SETMAR: variants seen among roughly 807,000 people sequenced by gnomAD.
SETMAR encodes histone-lysine N-methyltransferase SETMAR.
In SETMAR, 44 loss-of-function variants were observed where a neutral mutation model predicts 58.4. The ratio of observed to expected loss-of-function variants is 0.75; its 90% CI spans 0.59 to 0.97. SETMAR has a LOEUF of 0.97. Ranked by LOEUF, SETMAR falls within the 50% of genes least tolerant of loss-of-function variation. SETMAR has a pLI of 0.00. For synonymous variants in SETMAR, 332 were observed against 307.4 expected, an observed-to-expected ratio of 1.08 and a Z score of -0.84; for missense variants, 903 against 840.2, an observed-to-expected ratio of 1.07 and a Z score of -0.92.
At chr3:4,306,306 A>G (rs1239481204) in intron 1 of SETMAR, among the ~76,000 whole-genome samples, 4 of 152,190 alleles carry the variant, frequency 2.6e-5, no homozygotes, top group South Asian at 4.1e-4. Flanking sequence ...TTATATAAGT[A>G]TCTCCCTTAG....
chr3:4,303,880 C>A, intron 1 of SETMAR: 1 of 1,274,894 alleles, frequency 7.8e-7, no homozygotes, highest in Non-Finnish European at 1.0e-6. Context: ...TAGGATAAGC[C>A]GTGGGGCCTA....
At chr3:4,307,981 G>A (rs560898066) in intron 1 of SETMAR, among the ~76,000 whole-genome samples, 2 of 152,028 alleles carry the variant, frequency 1.3e-5, no homozygotes, top group South Asian at 4.2e-4. Flanking sequence ...AGCCTGCAGT[G>A]AGCTATGATC....
chr3:4,314,292 A>C (rs1479806564), intron 2 of SETMAR: 1 of 154,512 alleles, frequency 6.5e-6, no homozygotes, highest in African/African-American at 2.4e-5. Flanking sequence ...GTTTTCTAGC[A>C]CTAACATCGA....
In SETMAR at chr3:4,316,245, C is replaced by T. The variant is rs1444751949; in HGVS notation, c.1054C>T (p.Arg352Ter). 10 of 756,038 alleles carry T rather than the reference C, an allele frequency of 1.3e-5. No individual in the cohort carries two copies. Among genetic ancestry groups the T allele is most frequent in the Middle Eastern group, 3.5e-4 (1 of 2,850 alleles). 46.8% of individuals were successfully genotyped at this position (756,038 alleles called of 1,614,324 possible). Reference sequence around the variant, plus strand: ...AATGATGTTAGACAAAAAGCAAATTCGAGCAATTTTCTTATTCGAGTTCAA... The same window carrying T: ...AATGATGTTAGACAAAAAGCAAATTTGAGCAATTTTCTTATTCGAGTTCAA... ...MKMMLDKKQI[R>*]AIFLFEFKMG... The change falls in exon 3 of 3, where the codon CGA becomes TGA. Residue 352 changes from arginine (R) to a stop codon, truncating the protein, a stop_gained. Coordinates refer to ENST00000358065, the MANE Select transcript of SETMAR (RefSeq NM_006515.4). LOFTEE classifies it high-confidence loss of function.
intron 1 of SETMAR, chr3:4,303,796 T>C (rs1426867124): frequency 2.1e-6 from 3 of 1,415,414 alleles, no homozygotes; most frequent in East Asian, 3.6e-5. Flanking sequence ...TTTTGTCCAG[T>C]CCTGTCCTCA....
Position 4,303,513 on chromosome 3 carries a change from C to A in SETMAR, c.143C>A (p.Pro48Gln). ...GGCGCGTGGCCCCCGGGGGCCGCGC[C>A]GGCGCCCTTCCAGGTAGGGGCGGGG... The part of the protein sequence containing the change: ...PVGAWPPGAA[P>Q]APFQYTPDHV... Residue 48 changes from proline to glutamine, a missense_variant, in exon 1 of 3, where the codon CCG (proline) becomes CAG (glutamine). Physicochemically the swap from Pro to Gln is moderately conservative, Grantham distance 76. Transcript: ENST00000358065. 1 of 1,435,666 alleles carries A rather than the reference C, an allele frequency of 7.0e-7. No individual in the cohort carries two copies. Among genetic ancestry groups the A allele is most frequent in the Non-Finnish European group, 9.1e-7 (1 of 1,099,724 alleles). The allele number at this position is 1,435,666 out of a possible 1,614,324, so 88.9% of individuals were successfully genotyped here.
rs547962347 is a variant in SETMAR, at chr3:4,317,255, C to T, written c.*9C>T. ...GTTCCTATTTTGATTAATAAAAATGCGTTGAGCCTAGTTATAATGATTTAA... is the reference window on the plus strand; with the variant it reads ...GTTCCTATTTTGATTAATAAAAATGTGTTGAGCCTAGTTATAATGATTTAA... On this transcript the variant is annotated 3_prime_UTR_variant, in exon 3 of 3. Coordinates refer to ENST00000358065, the MANE Select transcript of SETMAR (RefSeq NM_006515.4). The T allele has an allele frequency of 1.0e-4, 157 of 1,510,832 alleles. No homozygotes were observed. Among genetic ancestry groups the T allele is most frequent in the Admixed American group, 2.8e-4 (14 of 49,680 alleles). 93.6% of individuals were successfully genotyped at this position (1,510,832 alleles called of 1,614,324 possible).
rs375067012 is a variant in SETMAR at position 4,313,334 on chromosome 3, A to G, written c.593A>G (p.Glu198Gly). ...SDSNYIIAIREHVYNGQVMET... is the reference protein window; with the variant it reads ...SDSNYIIAIRGHVYNGQVMET... The stretch of plus-strand genomic sequence containing the variant: ...TCCAATTACATTATAGCCATCAGGG[A>G]ACATGTTTATAATGGGCAGGTAATG... The change falls in exon 2 of 3, where the codon GAA (glutamate) becomes GGA (glycine). Residue 198 changes from glutamate (E) to glycine (G), a missense_variant. By Grantham distance (98) the Glu-to-Gly change is moderately conservative. Coordinates refer to ENST00000358065, the MANE Select transcript of SETMAR (RefSeq NM_006515.4). 3 of 1,613,922 alleles carry G rather than the reference A, an allele frequency of 1.9e-6. No homozygotes were observed. The South Asian group carries it at 3.3e-5, about 18-fold the overall frequency.
chr3:4,316,600 A>G lies in SETMAR; in HGVS notation c.1409A>G (p.Asn470Ser). The change falls in exon 3 of 3, where the codon AAT (asparagine) becomes AGT (serine). Residue 470 changes from asparagine (N) to serine (S), a missense_variant. By Grantham distance (46) the Asn-to-Ser change is conservative. Coordinates refer to ENST00000358065, the MANE Select transcript of SETMAR (RefSeq NM_006515.4). ...CATGAGCTGACTGAAAATCAAAAAA[A>G]TCGTCGTTTTGAAGTGTCATCTTCT... is the stretch of plus-strand genomic sequence containing the variant. ...VPHELTENQK[N>S]RRFEVSSSLI... 6.4e-7 allele frequency: 1 copy of G among 1,551,382 alleles called. No individual in the cohort carries two copies. Among genetic ancestry groups the G allele is most frequent in the Non-Finnish European group, 8.7e-7 (1 of 1,146,814 alleles).
At chr3:4,314,052 T>A (rs1435737756) in intron 2 of SETMAR, 1 of 499,912 alleles carries the variant, frequency 2.0e-6, no homozygotes, top group African/African-American at 1.9e-5. Context: ...GCCCTTCACC[T>A]CCTCTTTCTT....
intron 1 of SETMAR, among the ~76,000 whole-genome samples, chr3:4,306,037 A>C (rs892011599): frequency 1.3e-5 from 2 of 151,876 alleles, no homozygotes; most frequent in Non-Finnish European, 2.9e-5. Flanking sequence ...AGCTAAATAT[A>C]TGCAAGGTGG....
rs552256524 is a variant in SETMAR, at chr3:4,303,580, T to C, written c.156+54T>C. On this transcript the variant is annotated intron_variant, in intron 1 of 2. Transcript: ENST00000358065. ...GCGGGCGCGCGGCTCCCCCACGTGG[T>C]CTCCTCAAGCCGCCTCGCTGGGACG... 1.9e-4 allele frequency: 262 copies of C among 1,344,430 alleles called. No homozygotes were observed. In the Middle Eastern group the frequency reaches 6.1e-3, roughly 31 times the overall value. The allele number at this position is 1,344,430 out of a possible 1,614,324, so 83.3% of individuals were successfully genotyped here. A position where few individuals can be genotyped will look rare whatever the true frequency, so the allele number is the denominator to read the frequency against.
chr3:4,312,662 A>C (rs961781770), intron 1 of SETMAR, among the ~76,000 whole-genome samples: 1 of 150,804 alleles, frequency 6.6e-6, no homozygotes, highest in Non-Finnish European at 1.5e-5. Context: ...TGATCACAGC[A>C]CTGCACTCCA....
At position 4,313,668 on chromosome 3, in the gene SETMAR, A is replaced by G; in HGVS notation, c.927A>G (p.Glu309=). Residue 309 remains glutamate, a synonymous_variant, in exon 2 of 3, where the codon GAA becomes GAG. Transcript: ENST00000358065. Reference sequence around the variant, plus strand: ...ACAGTTCTCTGTACTGCCCCGTAGAAAAGTCGAACATCAGTTGTGGAAATG... The same window carrying G: ...ACAGTTCTCTGTACTGCCCCGTAGAGAAGTCGAACATCAGTTGTGGAAATG... ...PFDSSLYCPV[E]KSNISCGNEK... 1 of 1,614,034 alleles carries G rather than the reference A, an allele frequency of 6.2e-7. No individual in the cohort carries two copies. The highest frequency in any genetic ancestry group is 1.1e-5 in the South Asian group (1 of 91,074).
At chr3:4,316,119 C>T (rs1698632642) in intron 2 of SETMAR, 93 bp from the exon 3 acceptor site, 31 of 486,358 alleles carry the variant, frequency 6.4e-5, no homozygotes, top group South Asian at 1.5e-4. Context: ...GGAATACATT[C>T]TTAAATGTGG....
chr3:4,312,101 A>G (rs187378208), intron 1 of SETMAR, among the ~76,000 whole-genome samples: 28 of 152,290 alleles, frequency 1.8e-4, no homozygotes, highest in African/African-American at 5.8e-4. Flanking sequence ...TTACAAGTGT[A>G]TATCTTTAAT....
chr3:4,317,042 T>C lies in SETMAR; in HGVS notation c.1851T>C (p.Pro617=). 2 of 1,549,398 alleles carry C rather than the reference T, an allele frequency of 1.3e-6. No individual in the cohort carries two copies. Among genetic ancestry groups the C allele is most frequent in the Admixed American group, 3.9e-5 (2 of 50,982 alleles). The change falls in exon 3 of 3, where the codon CCT becomes CCC. Residue 617 remains proline, a synonymous_variant. Coordinates refer to ENST00000358065, the MANE Select transcript of SETMAR (RefSeq NM_006515.4). ...YEVLPHPPYS[P]DLLPTNYHVF... ...TTTTGCCTCATCCACCGTATTCACCTGACCTCTTGCCAACCAACTACCACG... is the reference window on the plus strand; with the variant it reads ...TTTTGCCTCATCCACCGTATTCACCCGACCTCTTGCCAACCAACTACCACG...
chr3:4,303,774 G>T (rs970760798), intron 1 of SETMAR: 13 of 1,451,872 alleles, frequency 9.0e-6, no homozygotes, highest in Non-Finnish European at 1.1e-5. Context: ...GAGGCCTTGT[G>T]AGAACCTGGC....
At chr3:4,314,693 C>T (rs1463068818) in intron 2 of SETMAR, among the ~76,000 whole-genome samples, 2 of 152,106 alleles carry the variant, frequency 1.3e-5, no homozygotes, top group Non-Finnish European at 2.9e-5. Flanking sequence ...CAGAAGGAGA[C>T]GGGAGTTTTA....
Sources: allele counts gnomAD v4.1 joint callset (sites outside exome capture counted in the v4.1 genomes callset), GRCh38; gene constraint gnomAD v4.1.1; transcripts MANE v1.5; gene names NCBI Gene and HGNC (gene_info 2026-07-23, HGNC 2026-07-21).